The following SLC7A5 variants were observed in gnomAD, a reference collection of about 807,000 sequenced individuals.
The protein encoded by SLC7A5 is solute carrier family 7 member 5.
SLC7A5 carries 23 observed loss-of-function variants against 50.2 expected under a neutral mutation model. The ratio of observed to expected loss-of-function variants is 0.46; its 90% CI spans 0.33 to 0.65. The LOEUF (loss-of-function observed/expected upper bound fraction) is 0.65, where lower values mean the gene tolerates loss of function less well. SLC7A5 is among the 30% of genes least tolerant of loss of function. The probability of loss-of-function intolerance (pLI) is 0.02; values close to 1 mark genes in which losing one functional copy is unlikely to be tolerated. For missense variants in SLC7A5, 578 were observed against 684.4 expected (o/e 0.84, Z 1.73); for synonymous variants, 393 against 330.6 (o/e 1.19, Z -2.05).
chr16:87,839,596 C>T (rs1343718950), intron 5 of SLC7A5, 106 bp downstream of exon 5: 44 of 1,550,204 alleles, frequency 2.8e-5, no homozygotes, highest in Non-Finnish European at 3.6e-5. Context: ...GGGGCCCCCT[C>T]TGCGTAGGGG....
intron 1 of SLC7A5, among the ~76,000 whole-genome samples, 196 bp downstream of exon 1, chr16:87,868,689 C>T (rs1402028993): frequency 6.6e-6 from 1 of 152,210 alleles, no homozygotes; most frequent in Non-Finnish European, 1.5e-5. Flanking sequence ...TATTCCCAGC[C>T]TGTGGGGAGA....
rs148387492 is a variant in SLC7A5, at chr16:87,836,968, C to T, written c.1141-321G>A. On this transcript the variant is annotated intron_variant, in intron 7 of 9. Transcript: ENST00000261622. ...CACAGTGTACATACACAGCTGGGCT[C>T]TGCTGGACTGTGGCTCTGTGTGCGA... 3.5e-4 allele frequency among the ~76,000 whole-genome samples: 54 copies of T among 152,296 alleles called. 2 individuals are homozygous for T. In the East Asian group the frequency reaches 0.01, roughly 29 times the overall value.
intron 8 of SLC7A5, 77 bp from the exon 9 acceptor site, chr16:87,834,668 C>G: frequency 6.9e-7 from 1 of 1,444,560 alleles, no homozygotes; most frequent in Non-Finnish European, 9.5e-7. Flanking sequence ...TTCCTCAGCC[C>G]TCCTGGGCCC....
chr16:87,839,900 TG>T, intron 4 of SLC7A5, 75 bp from the exon 5 acceptor site: 2 of 1,596,904 alleles, frequency 1.3e-6, no homozygotes, highest in South Asian at 2.2e-5. Context: ...AGGAGCCAGG[TG>T]GGCTCCTCGC....
rs1485807561 is a variant in SLC7A5 at position 87,853,381 on chromosome 16, C to A, written c.539-1532G>T. Among the ~76,000 whole-genome samples, 1 of 152,204 alleles carries A rather than the reference C, an allele frequency of 6.6e-6. No individual in the cohort carries two copies. Among genetic ancestry groups the A allele is most frequent in the Admixed American group, 6.5e-5 (1 of 15,280 alleles). Reference sequence around the variant, plus strand: ...GACGGCTACTACACACCAGGAAAGTCTGGTTGAAAAATGTCTGAAAGTCAG... The same window carrying A: ...GACGGCTACTACACACCAGGAAAGTATGGTTGAAAAATGTCTGAAAGTCAG... On this transcript the variant is annotated intron_variant, in intron 1 of 9. Coordinates refer to ENST00000261622, the MANE Select transcript of SLC7A5 (RefSeq NM_003486.7). The surrounding 1 kb of genome is among the most constrained non-coding windows in gnomAD (Gnocchi z 4.4).
In SLC7A5 at chr16:87,835,681, A is replaced by G. The variant is rs554128264; in HGVS notation, c.1290+817T>C. On this transcript the variant is annotated intron_variant, in intron 8 of 9. Transcript: ENST00000261622. ...AGTAGAGACGGGGTTTCACCGTGTT[A>G]GCCAGGATGGTCTCTATCTCCTGAC... Among the ~76,000 whole-genome samples the G allele has an allele frequency of 8.9e-4, 136 of 152,132 alleles. No individual in the cohort carries two copies. In the Middle Eastern group the frequency reaches 0.01, roughly 11 times the overall value.
Position 87,831,143 on chromosome 16 carries a change from C to G in SLC7A5, c.*1827G>C, listed in dbSNP as rs964585511. ...CAGGCCCAGAGGGAAGAGGTCTTGC[C>G]CAACACAGTCAGTCCACCTGCCTGC... is the stretch of plus-strand genomic sequence containing the variant. On this transcript the variant is annotated 3_prime_UTR_variant, in exon 10 of 10. Transcript: ENST00000261622. 5 of 147,790 alleles carry G rather than the reference C, an allele frequency of 3.4e-5. No homozygotes were observed. The highest frequency in any genetic ancestry group is 9.9e-5 in the African/African-American group (4 of 40,242). The allele number at this position is 147,790 out of a possible 1,614,324, so 9.2% of individuals were successfully genotyped here. A position where few individuals can be genotyped will look rare whatever the true frequency, so the allele number is the denominator to read the frequency against.
intron 6 of SLC7A5, among the ~76,000 whole-genome samples, chr16:87,838,481 C>T (rs1052068572): frequency 6.6e-6 from 1 of 152,060 alleles, no homozygotes; most frequent in South Asian, 2.1e-4. Context: ...TTTGTAGAAA[C>T]GGGGTTTTGC....
chr16:87,834,774 C>A, intron 8 of SLC7A5, 183 bp from the exon 9 acceptor site: 1 of 650,974 alleles, frequency 1.5e-6, no homozygotes, highest in Admixed American at 2.4e-5. Flanking sequence ...ACTCTGCATA[C>A]AGTGCTGGGC....
chr16:87,855,922 C>T (rs1018663183), intron 1 of SLC7A5, among the ~76,000 whole-genome samples: 3 of 152,204 alleles, frequency 2.0e-5, no homozygotes, highest in African/African-American at 7.2e-5. Context: ...CAATGAAAAT[C>T]CTCTCTGTTG....
intron 7 of SLC7A5, chr16:87,837,418 T>G (rs1434245417): frequency 4.5e-6 from 1 of 222,538 alleles, no homozygotes; most frequent in Non-Finnish European, 9.0e-6. Context: ...TTTAGAACAC[T>G]ACATTTTGGA....
rs555469485 is a variant in SLC7A5, at chr16:87,844,473, G to A, written c.665-3318C>T. On this transcript the variant is annotated intron_variant, in intron 2 of 9. Transcript: ENST00000261622. Reference sequence around the variant, plus strand: ...AGGCTGGAGGGGAGACTCCGCCGGTGGCTAAAGCCATCCTGCTGACGGGGC... The same window carrying A: ...AGGCTGGAGGGGAGACTCCGCCGGTAGCTAAAGCCATCCTGCTGACGGGGC... 3.5e-4 allele frequency among the ~76,000 whole-genome samples: 53 copies of A among 152,344 alleles called. 1 individual carries two copies. The South Asian group carries it at 4.1e-3, about 12-fold the overall frequency.
intron 1 of SLC7A5, among the ~76,000 whole-genome samples, chr16:87,854,526 A>G (rs1196935399): frequency 2.0e-5 from 3 of 152,206 alleles, no homozygotes; most frequent in East Asian, 1.9e-4. Flanking sequence ...CCCTCTCCCA[A>G]GCCTCAGTGT....
At chr16:87,849,375 C>G (rs2055191503) in intron 2 of SLC7A5, among the ~76,000 whole-genome samples, 1 of 152,182 alleles carries the variant, frequency 6.6e-6, no homozygotes, top group African/African-American at 2.4e-5. Flanking sequence ...CACTGTATCC[C>G]AAAGCTCAGA....
chr16:87,856,407 G>C (rs1351044987), intron 1 of SLC7A5, among the ~76,000 whole-genome samples: 2 of 152,202 alleles, frequency 1.3e-5, no homozygotes, highest in Non-Finnish European at 2.9e-5. Context: ...AGGAAGCCCA[G>C]GCAGCCTGGT....
intron 1 of SLC7A5, among the ~76,000 whole-genome samples, chr16:87,863,118 C>T (rs1052801456): frequency 6.6e-6 from 1 of 152,242 alleles, no homozygotes; most frequent in Non-Finnish European, 1.5e-5. Context: ...GAGCTGTCTG[C>T]AGGCCACTTC....
chr16:87,832,464 G>C lies in SLC7A5; in HGVS notation c.*506C>G, dbSNP rs1390528625. On this transcript the variant is annotated 3_prime_UTR_variant, in exon 10 of 10. Coordinates refer to ENST00000261622, the MANE Select transcript of SLC7A5 (RefSeq NM_003486.7). This position sits in a 1 kb window ranked among gnomAD's most constrained non-coding sequence, Gnocchi z 4.6. ...CCTAAGGCAGAGACATAAGCCCACA[G>C]GGTTGGTTTTCACGAATGTCACAAG... 1 of 152,138 alleles carries C rather than the reference G, an allele frequency of 6.6e-6. No individual in the cohort carries two copies. The highest frequency in any genetic ancestry group is 2.4e-5 in the African/African-American group (1 of 41,232). 9.4% of individuals were successfully genotyped at this position (152,138 alleles called of 1,614,324 possible).
At chr16:87,858,227 G>T (rs1301147298) in intron 1 of SLC7A5, among the ~76,000 whole-genome samples, 8 of 152,260 alleles carry the variant, frequency 5.3e-5, no homozygotes, top group African/African-American at 1.9e-4. Context: ...CAACAGACTG[G>T]AACAACTGCC....
intron 5 of SLC7A5, 141 bp downstream of exon 5, chr16:87,839,561 C>T: frequency 8.5e-7 from 1 of 1,178,700 alleles, no homozygotes; most frequent in Non-Finnish European, 1.2e-6. Context: ...CTCCACCCCT[C>T]CGGGTAGGGG....
Sources: gnomAD v4.1 joint callset for allele counts (sites outside exome capture counted in the v4.1 genomes callset) on GRCh38, gnomAD v4.1.1 for gene constraint, Gnocchi (gnomAD v3.1) non-coding constraint, MANE v1.5 for transcripts, NCBI Gene and HGNC (gene_info 2026-07-23, HGNC 2026-07-21) for gene names.